Variants in ZNF445 observed in about 807,000 individuals in gnomAD.
The protein encoded by ZNF445 is zinc finger protein 445.
In ZNF445, 19 loss-of-function variants were observed where a neutral mutation model predicts 93.9. That is an observed-to-expected ratio of 0.20 (90% CI 0.14 to 0.30). The LOEUF (loss-of-function observed/expected upper bound fraction) is 0.30, where lower values mean the gene tolerates loss of function less well. Among genes scored for constraint, ZNF445 ranks in the 10% least tolerant of loss-of-function variants. The pLI is 1.00. For synonymous variants in ZNF445, 449 were observed against 446.3 expected (o/e 1.01, Z -0.08); for missense variants, 1,058 against 1,259.4 (o/e 0.84, Z 2.42).
chr3:44,444,968 A>G lies in ZNF445; in HGVS notation c.*1607T>C, dbSNP rs544463988. 6.6e-6 allele frequency: 1 copy of G among 152,364 alleles called. No individual in the cohort carries two copies. The highest frequency in any genetic ancestry group is 1.5e-5 in the Non-Finnish European group (1 of 68,036). 9.4% of individuals were successfully genotyped at this position (152,364 alleles called of 1,614,324 possible). On this transcript the variant is annotated 3_prime_UTR_variant, in exon 8 of 8. Coordinates refer to ENST00000396077, the MANE Select transcript of ZNF445 (RefSeq NM_181489.6). ...CAATGATTACTCACATGCTTTAGCAATATCACTCCTTTGCCTTTAAGTAAT... is the reference window on the plus strand; with the variant it reads ...CAATGATTACTCACATGCTTTAGCAGTATCACTCCTTTGCCTTTAAGTAAT...
At chr3:44,449,176 G>A (rs1254160552) in intron 7 of ZNF445, among the ~76,000 whole-genome samples, 1 of 152,158 alleles carries the variant, frequency 6.6e-6, no homozygotes, top group African/African-American at 2.4e-5. Context: ...AGCAGAAAGG[G>A]GTGAGTACAG....
In ZNF445 at chr3:44,452,916, CTTT is replaced by C. The variant is rs60163197; in HGVS notation, c.430-1437_430-1435del. Among the ~76,000 whole-genome samples, 256 of 134,340 alleles carry C rather than the reference CTTT, an allele frequency of 1.9e-3. 2 individuals carry two copies. In the East Asian group the frequency reaches 0.033, roughly 17 times the overall value. 88.1% of individuals were successfully genotyped at this position (134,340 alleles called of 152,430 possible). On this transcript the variant is annotated intron_variant, in intron 3 of 7. Transcript: ENST00000396077. ...AGTATGTCAAATTTGTTTCAGAAAT[CTTT>C]TTTTTTTTTTTTTCGGACATAGTCT...
Position 44,447,258 on chromosome 3 carries a change from G to T in ZNF445, c.2413C>A (p.Leu805Ile). The change falls in exon 8 of 8, where the codon CTC (leucine) becomes ATC (isoleucine). Residue 805 changes from leucine (L) to isoleucine (I), a missense_variant. Physicochemically the swap from Leu to Ile is conservative, Grantham distance 5. Coordinates refer to ENST00000396077, the MANE Select transcript of ZNF445 (RefSeq NM_181489.6). The surrounding 1 kb of genome is among the most constrained non-coding windows in gnomAD (Gnocchi z 4.7). ...GAGTGAATCCTCTGATGTCGGTAGA[G>T]ATTGGAACTCCATCTGAAGGCTTTC... is the stretch of plus-strand genomic sequence containing the variant. ...CGKAFRWSSN[L>I]YRHQRIHSLQ... The T allele has an allele frequency of 6.2e-7, 1 of 1,614,160 alleles. No individual in the cohort carries two copies. The highest frequency in any genetic ancestry group is 8.5e-7 in the Non-Finnish European group (1 of 1,180,022).
intron 1 of ZNF445, among the ~76,000 whole-genome samples, chr3:44,458,643 A>G (rs1164373802): frequency 6.6e-6 from 1 of 152,174 alleles, no homozygotes; most frequent in Non-Finnish European, 1.5e-5. Context: ...GGTGCGTTTT[A>G]GGCCTCAGAA....
chr3:44,447,781 A>G lies in ZNF445; in HGVS notation c.1890T>C (p.Cys630=), dbSNP rs1429850365. Reference sequence around the variant, plus strand: ...TTGATCTCCATCTAAAGGTTTTCCTACATTTGGTACATTTATAGGGCTTCT... The same window carrying G: ...TTGATCTCCATCTAAAGGTTTTCCTGCATTTGGTACATTTATAGGGCTTCT... ...TQEKPYKCTK[C]RKTFRWRSNF... Residue 630 remains cysteine (C), a synonymous_variant, in exon 8 of 8, where the codon TGT becomes TGC. Coordinates refer to ENST00000396077, the MANE Select transcript of ZNF445 (RefSeq NM_181489.6). This position sits in a 1 kb window ranked among gnomAD's most constrained non-coding sequence, Gnocchi z 4.7. 1 of 1,614,090 alleles carries G rather than the reference A, an allele frequency of 6.2e-7. No homozygotes were observed. The highest frequency in any genetic ancestry group is 8.5e-7 in the Non-Finnish European group (1 of 1,180,020).
At chr3:44,472,578 G>A (rs895973799) in intron 1 of ZNF445, among the ~76,000 whole-genome samples, 5 of 152,208 alleles carry the variant, frequency 3.3e-5, no homozygotes, top group African/African-American at 1.2e-4. Context: ...TGTGAATATA[G>A]TGAGGATTCC....
At position 44,447,909 on chromosome 3, in the gene ZNF445, A is replaced by T. The variant is rs748407671; in HGVS notation, c.1762T>A (p.Leu588Met). Reference protein sequence around the residue: ...LTYSSGFDHHLGDQSGEKLFD... With the variant: ...LTYSSGFDHHMGDQSGEKLFD... Reference sequence around the variant, plus strand: ...AGTTTCTCCCCACTTTGGTCTCCCAAATGATGATCAAACCCTGAGCTGTAG... The same window carrying T: ...AGTTTCTCCCCACTTTGGTCTCCCATATGATGATCAAACCCTGAGCTGTAG... The change falls in exon 8 of 8, where the codon TTG becomes ATG. Residue 588 changes from leucine to methionine, a missense_variant. Coordinates refer to ENST00000396077, the MANE Select transcript of ZNF445 (RefSeq NM_181489.6). The surrounding 1 kb of genome is among the most constrained non-coding windows in gnomAD (Gnocchi z 4.7). The T allele has an allele frequency of 1.9e-6, 3 of 1,613,850 alleles. No individual in the cohort carries two copies.
chr3:44,435,429 C>T lies in ZNF445; in HGVS notation c.*11146G>A, dbSNP rs1380527070. 6.6e-6 allele frequency: 1 copy of T among 152,232 alleles called. No individual in the cohort carries two copies. The highest frequency in any genetic ancestry group is 2.4e-5 in the African/African-American group (1 of 41,454). 9.4% of individuals were successfully genotyped at this position (152,232 alleles called of 1,614,324 possible). A position where few individuals can be genotyped will look rare whatever the true frequency, so the allele number is the denominator to read the frequency against. On this transcript the variant is annotated 3_prime_UTR_variant, in exon 8 of 8. Coordinates refer to ENST00000396077, the MANE Select transcript of ZNF445 (RefSeq NM_181489.6). Reference sequence around the variant, plus strand: ...TCAGCACTGAAACCACATGTGGAAACAGCACCTGCACTTGGAATCACTAGT... The same window carrying T: ...TCAGCACTGAAACCACATGTGGAAATAGCACCTGCACTTGGAATCACTAGT...
rs1252158874 is a variant in ZNF445 at position 44,440,227 on chromosome 3, T to C, written c.*6348A>G. 6.6e-6 allele frequency: 1 copy of C among 152,258 alleles called. No homozygotes were observed. The highest frequency in any genetic ancestry group is 6.5e-5 in the Admixed American group (1 of 15,284). The allele number at this position is 152,258 out of a possible 1,614,324, so 9.4% of individuals were successfully genotyped here. A position where few individuals can be genotyped will look rare whatever the true frequency, so the allele number is the denominator to read the frequency against. On this transcript the variant is annotated 3_prime_UTR_variant, in exon 8 of 8. Transcript: ENST00000396077. ...TCTGGCAACTAAAACCTGGCTGATA[T>C]AAAATCTCCTTGCTGTTCTTAGCAG... is the stretch of plus-strand genomic sequence containing the variant.
Position 44,433,322 on chromosome 3 carries a change from C to T in ZNF445, c.*13253G>A, listed in dbSNP as rs1164037054. The T allele has an allele frequency of 2.6e-5, 4 of 152,162 alleles. No homozygotes were observed. The East Asian group carries it at 7.7e-4, about 29-fold the overall frequency. The allele number at this position is 152,162 out of a possible 1,614,324, so 9.4% of individuals were successfully genotyped here. A position where few individuals can be genotyped will look rare whatever the true frequency, so the allele number is the denominator to read the frequency against. On this transcript the variant is annotated 3_prime_UTR_variant, in exon 8 of 8. Coordinates refer to ENST00000396077, the MANE Select transcript of ZNF445 (RefSeq NM_181489.6). The stretch of plus-strand genomic sequence containing the variant: ...AGAGACAGGGAGTTCAGACTGGTCT[C>T]GAACTCCCGTTCTCAGGTGATCTGC...
In ZNF445 at chr3:44,444,549, T is replaced by C. The variant is rs932351060; in HGVS notation, c.*2026A>G. ...TCTGGCCCCCCTGCCCAGCCACTTC[T>C]AGTGCCAGTTTTGGGACAGTGAAGG... On this transcript the variant is annotated 3_prime_UTR_variant, in exon 8 of 8. Coordinates refer to ENST00000396077, the MANE Select transcript of ZNF445 (RefSeq NM_181489.6). The C allele has an allele frequency of 2.0e-5, 3 of 152,294 alleles. No individual in the cohort carries two copies. The East Asian group carries it at 5.8e-4, about 29-fold the overall frequency. The allele number at this position is 152,294 out of a possible 1,614,324, so 9.4% of individuals were successfully genotyped here.
Position 44,440,133 on chromosome 3 carries a change from T to C in ZNF445, c.*6442A>G, listed in dbSNP as rs888097771. The C allele has an allele frequency of 2.6e-5, 4 of 152,242 alleles. No individual in the cohort carries two copies. Among genetic ancestry groups the C allele is most frequent in the Admixed American group, 6.5e-5 (1 of 15,292 alleles). The allele number at this position is 152,242 out of a possible 1,614,324, so 9.4% of individuals were successfully genotyped here. A position where few individuals can be genotyped will look rare whatever the true frequency, so the allele number is the denominator to read the frequency against. ...TCCAAGACACCTTGGCATTTTCTTC[T>C]TGCCTTTTTAGCTACTTAAATATAG... is the stretch of plus-strand genomic sequence containing the variant. On this transcript the variant is annotated 3_prime_UTR_variant, in exon 8 of 8. Coordinates refer to ENST00000396077, the MANE Select transcript of ZNF445 (RefSeq NM_181489.6).
rs1449580474 is a variant in ZNF445, at chr3:44,444,958, T to C, written c.*1617A>G. 6.6e-6 allele frequency: 1 copy of C among 152,278 alleles called. No homozygotes were observed. The highest frequency in any genetic ancestry group is 1.5e-5 in the Non-Finnish European group (1 of 68,046). 9.4% of individuals were successfully genotyped at this position (152,278 alleles called of 1,614,324 possible). On this transcript the variant is annotated 3_prime_UTR_variant, in exon 8 of 8. Transcript: ENST00000396077. ...TAATCAGAAGCAATGATTACTCACA[T>C]GCTTTAGCAATATCACTCCTTTGCC... is the stretch of plus-strand genomic sequence containing the variant.
rs775350104 is a variant in ZNF445, at chr3:44,447,119, C to T, written c.2552G>A (p.Arg851His). 5 of 1,614,154 alleles carry T rather than the reference C, an allele frequency of 3.1e-6. No homozygotes were observed. The highest frequency in any genetic ancestry group is 3.4e-6 in the Non-Finnish European group (4 of 1,180,020). Residue 851 changes from arginine (R) to histidine (H), a missense_variant, in exon 8 of 8, where the codon CGT becomes CAT. By Grantham distance (29) the Arg-to-His change is conservative. This residue lies in a region of ZNF445 where 387 missense variants were observed against 475.7 expected (regional missense o/e 0.81). Coordinates refer to ENST00000396077, the MANE Select transcript of ZNF445 (RefSeq NM_181489.6). The surrounding 1 kb of genome is among the most constrained non-coding windows in gnomAD (Gnocchi z 4.7). ...WCQECGKTFT[R>H]KRTLLDHKGI... ...CTTATGATCTAAAAGGGTTCTTTTA[C>T]GTGTAAAGGTTTTCCCACATTCTTG...
intron 1 of ZNF445, among the ~76,000 whole-genome samples, chr3:44,474,586 A>G (rs192808814): frequency 6.6e-6 from 1 of 152,206 alleles, no homozygotes; most frequent in East Asian, 1.9e-4. Context: ...TGAAAGACTA[A>G]GTAACTGTCA....
chr3:44,448,887 T>G lies in ZNF445; in HGVS notation c.932-148A>C. 6 of 985,038 alleles carry G rather than the reference T, an allele frequency of 6.1e-6. No individual in the cohort carries two copies. In the South Asian group the frequency reaches 1.1e-4, roughly 18 times the overall value. The allele number at this position is 985,038 out of a possible 1,614,324, so 61.0% of individuals were successfully genotyped here. A position where few individuals can be genotyped will look rare whatever the true frequency, so the allele number is the denominator to read the frequency against. On this transcript the variant is annotated intron_variant, in intron 7 of 7. Coordinates refer to ENST00000396077, the MANE Select transcript of ZNF445 (RefSeq NM_181489.6). ...AAATAGTCAAACATAAGGCAAAACA[T>G]GGAAGATTATCCCAGATTACAGGGA... is the stretch of plus-strand genomic sequence containing the variant.
intron 5 of ZNF445, 38 bp downstream of exon 5, chr3:44,450,830 T>A (rs752902397): frequency 6.7e-7 from 1 of 1,487,550 alleles, no homozygotes; most frequent in Non-Finnish European, 9.0e-7. Context: ...GGCAGCGACG[T>A]GGGGACATCA....
Position 44,462,158 on chromosome 3 carries a change from A to T in ZNF445, c.-268-3794T>A, listed in dbSNP as rs182993195. Among the ~76,000 whole-genome samples the T allele has an allele frequency of 2.5e-3, 378 of 152,312 alleles. 5 individuals are homozygous for T. The highest frequency in any genetic ancestry group is 8.8e-3 in the African/African-American group (366 of 41,572). ...TGTAATGGCGAAAGGACTATCACAG[A>T]TAGAACGTGGGTTTAGGACCCCTAT... is the stretch of plus-strand genomic sequence containing the variant. On this transcript the variant is annotated intron_variant, in intron 1 of 7. Coordinates refer to ENST00000396077, the MANE Select transcript of ZNF445 (RefSeq NM_181489.6).
In ZNF445 at chr3:44,439,568, T is replaced by C. The variant is rs1697766042; in HGVS notation, c.*7007A>G. On this transcript the variant is annotated 3_prime_UTR_variant, in exon 8 of 8. Transcript: ENST00000396077. ...GGCCCCTCCCTGAGCACAGACACTA[T>C]GTCAGCCCAGCAGTCCACTCCTCCA... 1 of 152,282 alleles carries C rather than the reference T, an allele frequency of 6.6e-6. No homozygotes were observed. The highest frequency in any genetic ancestry group is 1.5e-5 in the Non-Finnish European group (1 of 68,144). The allele number at this position is 152,282 out of a possible 1,614,324, so 9.4% of individuals were successfully genotyped here.
Sources: allele counts gnomAD v4.1 joint callset (sites outside exome capture counted in the v4.1 genomes callset), GRCh38; gene constraint gnomAD v4.1.1; regional missense constraint gnomAD v4.1.1; non-coding constraint Gnocchi (gnomAD v3.1); transcripts MANE v1.5; gene names NCBI Gene and HGNC (gene_info 2026-07-23, HGNC 2026-07-21).